The following UBE2D3 variants were observed in gnomAD, a reference collection of about 807,000 sequenced individuals.
UBE2D3 encodes ubiquitin conjugating enzyme E2 D3, also known as ubiquitin-conjugating enzyme E2 D3.
In UBE2D3, 2 loss-of-function variants were observed where a neutral mutation model predicts 22.8. The observed-to-expected ratio is 0.09, with a 90% confidence interval of 0.04 to 0.28. UBE2D3 has a LOEUF of 0.28. UBE2D3 is among the 10% of genes least tolerant of loss of function. The pLI, the probability that UBE2D3 is intolerant of heterozygous loss-of-function variation, is 1.00. For missense variants in UBE2D3, 27 were observed against 182.5 expected (o/e 0.15, Z 4.91); for synonymous variants, 56 against 60.4 (o/e 0.93, Z 0.34).
chr4:102,801,253 TCAC>T (rs1031546299), intron 6 of UBE2D3, among the ~76,000 whole-genome samples, 198 bp downstream of exon 6: 3 of 151,994 alleles, frequency 2.0e-5, no homozygotes, highest in African/African-American at 7.2e-5. Flanking sequence ...TAATGCCTAC[TCAC>T]CACAATTTGA....
Position 102,821,771 on chromosome 4 carries a change from T to C in UBE2D3, c.24+4714A>G, listed in dbSNP as rs191267927. Among the ~76,000 whole-genome samples, 423 of 152,322 alleles carry C rather than the reference T, an allele frequency of 2.8e-3. 3 individuals carry two copies. Among genetic ancestry groups the C allele is most frequent in the Middle Eastern group, 0.014 (4 of 294 alleles). Reference sequence around the variant, plus strand: ...AAATATTTCATGCAACCCATAAATATATACACCAACTATGTACCCACAAAA... The same window carrying C: ...AAATATTTCATGCAACCCATAAATACATACACCAACTATGTACCCACAAAA... On this transcript the variant is annotated intron_variant, in intron 2 of 7. Transcript: ENST00000453744.
chr4:102,860,740 A>G (rs1364138919), intron 1 of UBE2D3, among the ~76,000 whole-genome samples: 1 of 151,802 alleles, frequency 6.6e-6, no homozygotes, highest in Non-Finnish European at 1.5e-5. Context: ...CTTTCTTCCA[A>G]TCCAGCAGGA....
chr4:102,863,562 C>G (rs924519306), intron 1 of UBE2D3, among the ~76,000 whole-genome samples: 4 of 152,220 alleles, frequency 2.6e-5, no homozygotes, highest in Non-Finnish European at 5.9e-5. Context: ...GGTACAATCT[C>G]AGCTCACTGC....
At chr4:102,836,935 C>A (rs1731441497) in intron 1 of UBE2D3, 1 of 152,098 alleles carries the variant, frequency 6.6e-6, no homozygotes, top group Non-Finnish European at 1.5e-5. Context: ...AAAGTCATAA[C>A]AAGGTAACAT....
intron 1 of UBE2D3, chr4:102,868,574 G>T: frequency 9.9e-7 from 1 of 1,008,188 alleles, no homozygotes; most frequent in Non-Finnish European, 1.6e-6. Flanking sequence ...GCCTTTGGGT[G>T]AAGGAGTAAA....
intron 4 of UBE2D3, among the ~76,000 whole-genome samples, chr4:102,803,377 T>C (rs1005007982): frequency 1.3e-5 from 2 of 152,208 alleles, no homozygotes; most frequent in Non-Finnish European, 2.9e-5. Context: ...ACAACTTACA[T>C]GAACTGGGTT....
rs778475887 is a variant in UBE2D3, at chr4:102,801,485, T to C, written c.273A>G (p.Ser91=). 1.2e-6 allele frequency: 2 copies of C among 1,609,648 alleles called. No homozygotes were observed. The highest frequency in any genetic ancestry group is 1.7e-6 in the Non-Finnish European group (2 of 1,178,442). ...AAATTGTTAAAGCAGGCGACCACTG[T>C]GATCTTAGAATATCGAGACAAATGC... is the stretch of plus-strand genomic sequence containing the variant. ...NGSICLDILR[S]QWSPALTISK... The change falls in exon 6 of 8, where the codon TCA becomes TCG. Residue 91 remains serine, a synonymous_variant. Coordinates refer to ENST00000453744, the MANE Select transcript of UBE2D3 (RefSeq NM_181891.3).
intron 1 of UBE2D3, among the ~76,000 whole-genome samples, chr4:102,848,466 G>A (rs1386354435): frequency 6.6e-6 from 1 of 152,100 alleles, no homozygotes; most frequent in East Asian, 1.9e-4. Flanking sequence ...CCAACGTGGT[G>A]AAACTCTATC....
intron 2 of UBE2D3, among the ~76,000 whole-genome samples, chr4:102,815,007 AAT>A (rs1326291389): frequency 6.6e-6 from 1 of 152,094 alleles, no homozygotes; most frequent in Non-Finnish European, 1.5e-5. Flanking sequence ...TTTTACATTT[AAT>A]ATATGTTAAA....
At chr4:102,814,919 A>G (rs1341038624) in intron 2 of UBE2D3, among the ~76,000 whole-genome samples, 2 of 152,180 alleles carry the variant, frequency 1.3e-5, no homozygotes, top group Non-Finnish European at 2.9e-5. Context: ...TAATACTGAA[A>G]TAAGAGTTTA....
At chr4:102,836,303 C>T (rs201919148) in intron 1 of UBE2D3, among the ~76,000 whole-genome samples, 22 of 151,944 alleles carry the variant, frequency 1.4e-4, no homozygotes, top group East Asian at 5.8e-4. Flanking sequence ...CTCGCCACCA[C>T]GCCGGCTAAT....
chr4:102,859,814 T>G (rs1432541289), intron 1 of UBE2D3, among the ~76,000 whole-genome samples: 1 of 151,536 alleles, frequency 6.6e-6, no homozygotes, highest in Admixed American at 6.6e-5. Context: ...AATTTTTCAG[T>G]TCAGTTATTG....
chr4:102,820,277 G>A (rs1729389414), intron 2 of UBE2D3, among the ~76,000 whole-genome samples: 1 of 152,188 alleles, frequency 6.6e-6, no homozygotes. Context: ...ATATGTAGAT[G>A]CGAATATCAA....
At chr4:102,832,479 CTG>C (rs1207462747), upstream of UBE2D3, among the ~76,000 whole-genome samples, 1 of 152,014 alleles carries the variant, frequency 6.6e-6, no homozygotes, top group East Asian at 1.9e-4. Context: ...AAAAAGGTAA[CTG>C]TGATAGCAAT....
chr4:102,846,610 G>T (rs946970965), intron 1 of UBE2D3, among the ~76,000 whole-genome samples: 1 of 152,070 alleles, frequency 6.6e-6, no homozygotes, highest in African/African-American at 2.4e-5. Context: ...GATATAACTG[G>T]AGGCACTAAT....
At chr4:102,856,539 T>C (rs1316364670) in intron 1 of UBE2D3, among the ~76,000 whole-genome samples, 1 of 152,204 alleles carries the variant, frequency 6.6e-6, no homozygotes, top group Non-Finnish European at 1.5e-5. Flanking sequence ...AAAACCTTTT[T>C]ATCCAGAGAT....
chr4:102,827,531 G>A lies in UBE2D3; in HGVS notation c.-233C>T, dbSNP rs1578273221. On this transcript the variant is annotated 5_prime_UTR_variant, in exon 1 of 8. Transcript: ENST00000453744. ...GCTCACGCGCACGACACAGCCACAA[G>A]ATGTCCGCTCTGACGGAACTACTGC... 4 of 986,138 alleles carry A rather than the reference G, an allele frequency of 4.1e-6. No individual in the cohort carries two copies. The highest frequency in any genetic ancestry group is 6.1e-5 in the Admixed American group (1 of 16,282). 61.1% of individuals were successfully genotyped at this position (986,138 alleles called of 1,614,324 possible). A position where few individuals can be genotyped will look rare whatever the true frequency, so the allele number is the denominator to read the frequency against.
At chr4:102,861,917 T>C (rs1019967757) in intron 1 of UBE2D3, among the ~76,000 whole-genome samples, 8 of 151,936 alleles carry the variant, frequency 5.3e-5, no homozygotes, top group African/African-American at 1.9e-4. Flanking sequence ...TGCTTGTTTA[T>C]TTATTTATTA....
chr4:102,853,832 G>A (rs576925746), intron 1 of UBE2D3, among the ~76,000 whole-genome samples: 8 of 152,094 alleles, frequency 5.3e-5, no homozygotes, highest in South Asian at 4.1e-4. Flanking sequence ...ATTCAATTTC[G>A]CCTACTGTGA....
Sources: gnomAD v4.1 joint callset for allele counts (sites outside exome capture counted in the v4.1 genomes callset) on GRCh38, gnomAD v4.1.1 for gene constraint, MANE v1.5 for transcripts, NCBI Gene and HGNC (gene_info 2026-07-23, HGNC 2026-07-21) for gene names.